Variants in PCDHGA7 observed in about 807,000 individuals in gnomAD.
PCDHGA7 encodes the protein protocadherin gamma-A7.
A neutral mutation model predicts 58.3 loss-of-function variants in PCDHGA7; 44 were observed. The ratio of observed to expected loss-of-function variants is 0.75; its 90% CI spans 0.59 to 0.97. The LOEUF is 0.97. PCDHGA7 is among the 50% of genes least tolerant of loss of function. The pLI, the probability that PCDHGA7 is intolerant of heterozygous loss-of-function variation, is 0.00. For synonymous variants in PCDHGA7, 516 were observed against 504.2 expected (o/e 1.02, Z -0.31); for missense variants, 1,266 against 1,188.7 (o/e 1.06, Z -0.96).
intron 1 of PCDHGA7, chr5:141,419,325 A>G (rs1490162008): frequency 6.2e-7 from 1 of 1,613,586 alleles, no homozygotes; most frequent in Non-Finnish European, 8.5e-7. Flanking sequence ...CGTGTCTCCT[A>G]CTCTCTCATT....
intron 1 of PCDHGA7, chr5:141,430,826 CT>C (rs765096486): frequency 1.3e-6 from 2 of 1,550,416 alleles, no homozygotes; most frequent in East Asian, 2.2e-5. Flanking sequence ...CCTGGGGACT[CT>C]GTGGGAGACC....
Position 141,431,789 on chromosome 5 carries a change from G to A in PCDHGA7, c.2424+46466G>A, listed in dbSNP as rs760507500. On this transcript the variant is annotated intron_variant, in intron 1 of 3. Coordinates refer to ENST00000518325, the MANE Select transcript of PCDHGA7 (RefSeq NM_018920.4). This position sits in a 1 kb window ranked among gnomAD's most constrained non-coding sequence, Gnocchi z 4.8. ...CACTGTTCTGGACGTGAACGACAATGCCCCAGAAGTGGTCCTCACCTCTCT... is the reference window on the plus strand; with the variant it reads ...CACTGTTCTGGACGTGAACGACAATACCCCAGAAGTGGTCCTCACCTCTCT... 7.4e-6 allele frequency: 12 copies of A among 1,614,096 alleles called. No homozygotes were observed. The highest frequency in any genetic ancestry group is 5.9e-6 in the Non-Finnish European group (7 of 1,180,042).
At chr5:141,407,135 G>T (rs2094890312) in intron 1 of PCDHGA7, among the ~76,000 whole-genome samples, 1 of 151,812 alleles carries the variant, frequency 6.6e-6, no homozygotes, top group African/African-American at 2.4e-5. Context: ...TTATTTTTAA[G>T]AAAAAAAAGC....
chr5:141,418,864 A>T, intron 1 of PCDHGA7: 1 of 1,614,046 alleles, frequency 6.2e-7, no homozygotes, highest in Non-Finnish European at 8.5e-7. Context: ...AAGTAATTGT[A>T]GAAGTTGTAG....
chr5:141,409,751 C>T, intron 1 of PCDHGA7: 1 of 1,613,000 alleles, frequency 6.2e-7, no homozygotes, highest in Non-Finnish European at 8.5e-7. Flanking sequence ...GGTGTTCGCG[C>T]AGCGCGCCTT....
intron 1 of PCDHGA7, chr5:141,408,193 C>T (rs1280310689): frequency 6.5e-7 from 1 of 1,545,210 alleles, no homozygotes; most frequent in Non-Finnish European, 8.7e-7. Flanking sequence ...AGCGAGAACC[C>T]GAGCGAACGA....
chr5:141,491,208 C>G lies in PCDHGA7; in HGVS notation c.2425-3599C>G. 6.2e-7 allele frequency: 1 copy of G among 1,614,204 alleles called. No individual in the cohort carries two copies. Among genetic ancestry groups the G allele is most frequent in the Non-Finnish European group, 8.5e-7 (1 of 1,180,026 alleles). ...TGAGGGACAATGGTGACCCTTCACTCTCCTCCACAGCCACAGTGCTGCTGG... is the reference window on the plus strand; with the variant it reads ...TGAGGGACAATGGTGACCCTTCACTGTCCTCCACAGCCACAGTGCTGCTGG... On this transcript the variant is annotated intron_variant, in intron 1 of 3. Coordinates refer to ENST00000518325, the MANE Select transcript of PCDHGA7 (RefSeq NM_018920.4). This position sits in a 1 kb window ranked among gnomAD's most constrained non-coding sequence, Gnocchi z 6.9.
intron 1 of PCDHGA7, chr5:141,414,814 A>C (rs1368279926): frequency 6.2e-7 from 1 of 1,614,100 alleles, no homozygotes; most frequent in African/African-American, 1.3e-5. Flanking sequence ...TCCTCCACTC[A>C]GCAGCAACGT....
At chr5:141,495,558 A>G (rs2099762084) in intron 2 of PCDHGA7, among the ~76,000 whole-genome samples, 1 of 151,662 alleles carries the variant, frequency 6.6e-6, no homozygotes, top group Admixed American at 6.6e-5. Flanking sequence ...TCGCTTTGCA[A>G]TCTCTGCCTC....
intron 1 of PCDHGA7, chr5:141,414,147 A>G: frequency 6.3e-7 from 1 of 1,599,090 alleles, no homozygotes; most frequent in Non-Finnish European, 8.5e-7. Flanking sequence ...TAGAAATACA[A>G]GCAGAAGATG....
At chr5:141,428,147 G>C (rs771536400) in intron 1 of PCDHGA7, 1 of 1,589,612 alleles carries the variant, frequency 6.3e-7, no homozygotes, top group Admixed American at 1.7e-5. Flanking sequence ...GGCTGCACAC[G>C]GGAACCTGCT....
chr5:141,409,809 A>T (rs754765049), intron 1 of PCDHGA7: 62 of 1,611,424 alleles, frequency 3.8e-5, no homozygotes, highest in Non-Finnish European at 7.6e-6. Context: ...CAGGCCCGCG[A>T]CCACGGCTCG....
At chr5:141,393,129 A>G in intron 1 of PCDHGA7, 2 of 1,613,426 alleles carry the variant, frequency 1.2e-6, no homozygotes, top group Non-Finnish European at 1.7e-6. Context: ...TCTGATAAAT[A>G]TTAACACCCT....
In PCDHGA7 at chr5:141,383,655, C is replaced by T; in HGVS notation, c.756C>T (p.Pro252=). 6.2e-7 allele frequency: 1 copy of T among 1,613,986 alleles called. No individual in the cohort carries two copies. The highest frequency in any genetic ancestry group is 2.2e-5 in the East Asian group (1 of 44,882). Residue 252 remains proline, a synonymous_variant, in exon 1 of 4, where the codon CCC becomes CCT. Transcript: ENST00000518325. ...FSLPQYQVTV[P]ENVPVGTRLL... ...TGCCTCAGTACCAAGTAACTGTCCCCGAGAATGTGCCAGTGGGTACAAGAC... is the reference window on the plus strand; with the variant it reads ...TGCCTCAGTACCAAGTAACTGTCCCTGAGAATGTGCCAGTGGGTACAAGAC...
chr5:141,431,502 G>A lies in PCDHGA7; in HGVS notation c.2424+46179G>A, dbSNP rs749812839. ...CCAGCGTTTGCTCAGCCCGAGTACC[G>A]CGCGAGCGTTCCGGAGAATCTGGCC... On this transcript the variant is annotated intron_variant, in intron 1 of 3. Coordinates refer to ENST00000518325, the MANE Select transcript of PCDHGA7 (RefSeq NM_018920.4). This position sits in a 1 kb window ranked among gnomAD's most constrained non-coding sequence, Gnocchi z 4.8. 6 of 1,614,008 alleles carry A rather than the reference G, an allele frequency of 3.7e-6. No homozygotes were observed. In the East Asian group the frequency reaches 6.7e-5, roughly 18 times the overall value.
At chr5:141,409,745 T>C (rs968473065) in intron 1 of PCDHGA7, 8 of 1,613,074 alleles carry the variant, frequency 5.0e-6, no homozygotes, top group Non-Finnish European at 6.8e-6. Context: ...CGGGGTGGTG[T>C]TCGCGCAGCG....
At chr5:141,459,910 A>G (rs2098977946) in intron 1 of PCDHGA7, among the ~76,000 whole-genome samples, 2 of 152,042 alleles carry the variant, frequency 1.3e-5, no homozygotes, top group Non-Finnish European at 1.5e-5. Context: ...GAGCTATGGG[A>G]GTTTTAAAAT....
intron 1 of PCDHGA7, chr5:141,388,888 T>C: frequency 6.2e-7 from 1 of 1,613,774 alleles, no homozygotes; most frequent in Non-Finnish European, 8.5e-7. Flanking sequence ...GAGGTAGAAG[T>C]CATAGATGAA....
At chr5:141,393,650 C>T in intron 1 of PCDHGA7, 2 of 1,613,904 alleles carry the variant, frequency 1.2e-6, no homozygotes, top group South Asian at 1.1e-5. Flanking sequence ...AAGTGGCATA[C>T]AAATTCCGGA....
Sources: gnomAD v4.1 joint callset for allele counts (sites outside exome capture counted in the v4.1 genomes callset) on GRCh38, gnomAD v4.1.1 for gene constraint, Gnocchi (gnomAD v3.1) non-coding constraint, MANE v1.5 for transcripts, NCBI Gene and HGNC (gene_info 2026-07-23, HGNC 2026-07-21) for gene names.